Variants in TNR observed in about 807,000 individuals in gnomAD.
TNR encodes tenascin R.
A neutral mutation model predicts 150.4 loss-of-function variants in TNR; 45 were observed. The ratio of observed to expected loss-of-function variants is 0.30; its 90% CI spans 0.24 to 0.38. TNR has a LOEUF of 0.38. TNR is among the 10% of genes least tolerant of loss of function. TNR has a pLI of 1.00. For synonymous variants in TNR, 687 were observed against 678.4 expected (o/e 1.01, Z -0.20); for missense variants, 1,544 against 1,759.1 (o/e 0.88, Z 2.19).
At chr1:175,483,808 AGGCTAGAG>A (rs1657902810) in intron 2 of TNR, among the ~76,000 whole-genome samples, 1 of 152,136 alleles carries the variant, frequency 6.6e-6, no homozygotes, top group South Asian at 2.1e-4. Context: ...AGCATCTCTG[AGGCTAGAG>A]GGCTCTTGGA....
rs1663133074 is a variant in TNR at position 175,599,300 on chromosome 1, G to T, written c.-164-70931C>A. Among the ~76,000 whole-genome samples, 3 of 152,236 alleles carry T rather than the reference G, an allele frequency of 2.0e-5. No homozygotes were observed. The highest frequency in any genetic ancestry group is 4.4e-5 in the Non-Finnish European group (3 of 68,032). ...TTGCCCACCGCGAAGAGCAGTGGCGGAGACATCGCAGCAACGCTAACGGGG... is the reference window on the plus strand; with the variant it reads ...TTGCCCACCGCGAAGAGCAGTGGCGTAGACATCGCAGCAACGCTAACGGGG... On this transcript the variant is annotated intron_variant, in intron 1 of 22. Transcript: ENST00000367674. The surrounding 1 kb of genome is among the most constrained non-coding windows in gnomAD (Gnocchi z 4.7).
At chr1:175,617,453 G>T (rs947486893) in intron 1 of TNR, among the ~76,000 whole-genome samples, 1 of 152,186 alleles carries the variant, frequency 6.6e-6, no homozygotes, top group Non-Finnish European at 1.5e-5. Flanking sequence ...AGTCAGCGGG[G>T]TAGAGACGAT....
At chr1:175,416,242 A>C (rs1467122632) in intron 2 of TNR, among the ~76,000 whole-genome samples, 2 of 152,186 alleles carry the variant, frequency 1.3e-5, no homozygotes, top group Admixed American at 6.5e-5. Flanking sequence ...TGATGAGATT[A>C]TTCCCATTTT....
At chr1:175,439,400 T>C (rs576366898) in intron 2 of TNR, among the ~76,000 whole-genome samples, 1,565 of 152,008 alleles carry the variant, frequency 0.01, 21 homozygotes, top group African/African-American at 0.036. Flanking sequence ...ACTTAAATGT[T>C]AGACCTAAAA....
chr1:175,455,996 C>T lies in TNR; in HGVS notation c.-63-49219G>A, dbSNP rs149368803. Among the ~76,000 whole-genome samples the T allele has an allele frequency of 4.4e-3, 669 of 152,308 alleles. 3 individuals carry two copies. Among genetic ancestry groups the T allele is most frequent in the African/African-American group, 0.015 (635 of 41,572 alleles). On this transcript the variant is annotated intron_variant, in intron 2 of 22. Coordinates refer to ENST00000367674, the MANE Select transcript of TNR (RefSeq NM_003285.3). ...CAGAACAGACCTAATTCAGGATTGT[C>T]CTGAGCAATCAAGATGTGTGGTCAC... is the stretch of plus-strand genomic sequence containing the variant.
chr1:175,523,013 C>T (rs1196186569), intron 2 of TNR, among the ~76,000 whole-genome samples: 3 of 152,194 alleles, frequency 2.0e-5, no homozygotes, highest in African/African-American at 4.8e-5. Flanking sequence ...GCACATTGAC[C>T]TTCGGGACTC....
chr1:175,679,973 CAG>C lies in TNR; in HGVS notation c.-165+63251_-165+63252del, dbSNP rs1423696509. Among the ~76,000 whole-genome samples the C allele has an allele frequency of 2.0e-5, 3 of 152,278 alleles. No individual in the cohort carries two copies. The East Asian group carries it at 5.8e-4, about 29-fold the overall frequency. On this transcript the variant is annotated intron_variant, in intron 1 of 22. Coordinates refer to ENST00000367674, the MANE Select transcript of TNR (RefSeq NM_003285.3). Reference sequence around the variant, plus strand: ...GTCTGCTGAGGGCCTCGAGGGAAGACAGAGCTTCCCCATGATCATGTAGCCTC... The same window carrying C: ...GTCTGCTGAGGGCCTCGAGGGAAGACAGCTTCCCCATGATCATGTAGCCTC...
intron 2 of TNR, among the ~76,000 whole-genome samples, chr1:175,457,274 C>A (rs894996046): frequency 1.2e-4 from 18 of 152,354 alleles, no homozygotes; most frequent in African/African-American, 4.3e-4. Flanking sequence ...AGACTCCTGG[C>A]AGATGCTGCC....
Position 175,419,882 on chromosome 1 carries a change from A to G in TNR, c.-63-13105T>C, listed in dbSNP as rs116225780. Among the ~76,000 whole-genome samples, 998 of 151,954 alleles carry G rather than the reference A, an allele frequency of 6.6e-3. 10 individuals are homozygous for G. Among genetic ancestry groups the G allele is most frequent in the African/African-American group, 0.023 (950 of 41,406 alleles). On this transcript the variant is annotated intron_variant, in intron 2 of 22. Transcript: ENST00000367674. ...TGTGTGGGACTCCTTCTCTTGGCAC[A>G]CACACTCCTTGGAACTCTTAATTTG... is the stretch of plus-strand genomic sequence containing the variant.
chr1:175,349,081 G>A (rs149039003), intron 18 of TNR, among the ~76,000 whole-genome samples: 1,579 of 152,266 alleles, frequency 0.01, 14 homozygotes, highest in Non-Finnish European at 0.014. Flanking sequence ...ACAAAGCCAG[G>A]CCATGTCAAG....
chr1:175,729,201 G>C (rs1351063323), intron 1 of TNR, among the ~76,000 whole-genome samples: 1 of 151,328 alleles, frequency 6.6e-6, no homozygotes, highest in Non-Finnish European at 1.5e-5. Flanking sequence ...ATTTTTATTA[G>C]GTGCTCAGCC....
At chr1:175,613,893 A>G (rs1001049402) in intron 1 of TNR, among the ~76,000 whole-genome samples, 1 of 152,100 alleles carries the variant, frequency 6.6e-6, no homozygotes, top group African/African-American at 2.4e-5. Context: ...CATCCCCTCA[A>G]TCAGAGAGAT....
intron 2 of TNR, among the ~76,000 whole-genome samples, chr1:175,491,937 C>T (rs1024668206): frequency 1.3e-5 from 2 of 150,556 alleles, no homozygotes; most frequent in Non-Finnish European, 3.0e-5. Context: ...CGTGAGCCAC[C>T]ACGCCCAGCC....
intron 2 of TNR, among the ~76,000 whole-genome samples, chr1:175,523,235 A>G (rs1659714722): frequency 6.6e-6 from 1 of 152,228 alleles, no homozygotes; most frequent in South Asian, 2.1e-4. Context: ...TTTCCCCAAA[A>G]CCTGAAGAAC....
chr1:175,330,317 A>C (rs1446039778), intron 20 of TNR, 82 bp from the exon 21 acceptor site: 1 of 1,417,450 alleles, frequency 7.1e-7, no homozygotes, highest in African/African-American at 1.4e-5. Flanking sequence ...TGTGGCTTCA[A>C]AACATGTTAC....
At chr1:175,533,888 G>T (rs568388641) in intron 1 of TNR, among the ~76,000 whole-genome samples, 3 of 152,156 alleles carry the variant, frequency 2.0e-5, no homozygotes, top group Non-Finnish European at 4.4e-5. Flanking sequence ...GGGGTTGCAG[G>T]GTCCCTCCAG....
At chr1:175,719,771 C>T (rs1026559509) in intron 1 of TNR, among the ~76,000 whole-genome samples, 1 of 152,164 alleles carries the variant, frequency 6.6e-6, no homozygotes, top group African/African-American at 2.4e-5. Context: ...TCCTTTATTT[C>T]CCTACCTGCT....
chr1:175,619,997 C>T (rs1198998272), intron 1 of TNR, among the ~76,000 whole-genome samples: 2 of 152,214 alleles, frequency 1.3e-5, no homozygotes, highest in Non-Finnish European at 1.5e-5. Flanking sequence ...AAACCTACCT[C>T]ACCAATTAAA....
At chr1:175,697,692 G>A (rs1666573503) in intron 1 of TNR, among the ~76,000 whole-genome samples, 1 of 152,174 alleles carries the variant, frequency 6.6e-6, no homozygotes, top group Admixed American at 6.5e-5. Context: ...GGAGCAAATG[G>A]TGGCTGATAT....
Sources: gnomAD v4.1 joint callset for allele counts (sites outside exome capture counted in the v4.1 genomes callset) on GRCh38, gnomAD v4.1.1 for gene constraint, Gnocchi (gnomAD v3.1) non-coding constraint, MANE v1.5 for transcripts, NCBI Gene and HGNC (gene_info 2026-07-23, HGNC 2026-07-21) for gene names.